The following WNT9B variants were observed in gnomAD, a reference collection of about 807,000 sequenced individuals.
WNT9B encodes the protein Wnt family member 9B.
In WNT9B, 12 loss-of-function variants were observed where a neutral mutation model predicts 30.2. That is an observed-to-expected ratio of 0.40 (90% CI 0.26 to 0.64). The LOEUF (loss-of-function observed/expected upper bound fraction) is 0.64. Ranked by LOEUF, WNT9B falls within the 30% of genes least tolerant of loss-of-function variation. The pLI is 0.42. For synonymous variants in WNT9B, 218 were observed against 216.9 expected (o/e 1.01, Z -0.05); for missense variants, 442 against 485.2 (o/e 0.91, Z 0.84).
At chr17:46,833,572 T>G (rs908728814) in intron 1 of WNT9B, 1 of 385,336 alleles carries the variant, frequency 2.6e-6, no homozygotes. Context: ...AACCCCAGTC[T>G]CCTGCTCAGT....
At chr17:46,839,689 C>A (rs185726630) in intron 1 of WNT9B, among the ~76,000 whole-genome samples, 1 of 152,176 alleles carries the variant, frequency 6.6e-6, no homozygotes, top group Admixed American at 6.5e-5. Flanking sequence ...CCCAGTCCCC[C>A]CCGCCAAGAG....
chr17:46,857,602 T>A (rs1008864120), intron 1 of WNT9B, among the ~76,000 whole-genome samples: 2 of 152,174 alleles, frequency 1.3e-5, no homozygotes, highest in African/African-American at 4.8e-5. Flanking sequence ...CTTGGATAAC[T>A]GTCTAGGAGT....
At position 46,877,697 on chromosome 17, in the gene WNT9B, C is replaced by A. The variant is rs920912258; in HGVS notation, c.*979C>A. Among the ~76,000 whole-genome samples the A allele has an allele frequency of 1.2e-4, 19 of 152,304 alleles. No individual in the cohort carries two copies. The highest frequency in any genetic ancestry group is 6.8e-3 in the Middle Eastern group (2 of 294). On this transcript the variant is annotated 3_prime_UTR_variant, in exon 4 of 4. Coordinates refer to ENST00000290015, the MANE Select transcript of WNT9B (RefSeq NM_003396.3). ...CTTTGGTGACTTCCTGTGGCTGGGGCCTGCCTGGTCTGTGACACCCCCATA... is the reference window on the plus strand; with the variant it reads ...CTTTGGTGACTTCCTGTGGCTGGGGACTGCCTGGTCTGTGACACCCCCATA...
At chr17:46,861,606 C>T (rs1203675634) in intron 1 of WNT9B, among the ~76,000 whole-genome samples, 1 of 152,204 alleles carries the variant, frequency 6.6e-6, no homozygotes, top group Non-Finnish European at 1.5e-5. Context: ...GCCACACCCA[C>T]CACCTCATGG....
At chr17:46,872,423 A>G (rs757891231) in intron 1 of WNT9B, 94 bp from the exon 2 acceptor site, 6 of 1,394,688 alleles carry the variant, frequency 4.3e-6, no homozygotes, top group Non-Finnish European at 5.6e-6. Context: ...CCAGAAGGGC[A>G]GTAAATGAAG....
intron 1 of WNT9B, among the ~76,000 whole-genome samples, chr17:46,864,315 C>T (rs924510071): frequency 1.3e-5 from 2 of 152,200 alleles, no homozygotes; most frequent in African/African-American, 4.8e-5. Flanking sequence ...TTCCCACCCA[C>T]TGCCTCCACA....
chr17:46,841,787 G>A (rs1330964864), intron 1 of WNT9B, among the ~76,000 whole-genome samples: 2 of 152,254 alleles, frequency 1.3e-5, no homozygotes, highest in African/African-American at 2.4e-5. Context: ...CCTGCATCCA[G>A]CTGAGAGACC....
chr17:46,845,154 C>T (rs1314247996), intron 1 of WNT9B, among the ~76,000 whole-genome samples: 1 of 152,152 alleles, frequency 6.6e-6, no homozygotes, highest in Non-Finnish European at 1.5e-5. Context: ...TGGTCTCCTT[C>T]CTCCTTCTTT....
chr17:46,857,878 G>T (rs1419371429), intron 1 of WNT9B, among the ~76,000 whole-genome samples: 1 of 151,956 alleles, frequency 6.6e-6, no homozygotes, highest in Non-Finnish European at 1.5e-5. Context: ...ATTTCATTGG[G>T]TTATTTGTCT....
At position 46,876,736 on chromosome 17, in the gene WNT9B, C is replaced by A; in HGVS notation, c.*18C>A. The A allele has an allele frequency of 6.6e-7, 1 of 1,523,686 alleles. No homozygotes were observed. Among genetic ancestry groups the A allele is most frequent in the Non-Finnish European group, 8.8e-7 (1 of 1,132,146 alleles). 94.4% of individuals were successfully genotyped at this position (1,523,686 alleles called of 1,614,324 possible). A position where few individuals can be genotyped will look rare whatever the true frequency, so the allele number is the denominator to read the frequency against. ...AGCACTAGGCCTACTGCCCAGCAAG[C>A]CAGTCTGGCACTGCCAGGACCTCCT... On this transcript the variant is annotated 3_prime_UTR_variant, in exon 4 of 4. Transcript: ENST00000290015.
chr17:46,839,982 T>TTTCTC (rs2084688231), intron 1 of WNT9B, among the ~76,000 whole-genome samples: 1 of 140,286 alleles, frequency 7.1e-6, no homozygotes, highest in African/African-American at 2.7e-5. Flanking sequence ...CTTTCTCTTC[T>TTTCTC]TTCTTTCTTT....
chr17:46,871,113 C>T (rs1416078082), intron 1 of WNT9B, among the ~76,000 whole-genome samples: 1 of 151,772 alleles, frequency 6.6e-6, no homozygotes, highest in African/African-American at 2.4e-5. Flanking sequence ...GTTTTGCTGT[C>T]ACACAGGCTG....
chr17:46,860,717 T>G (rs1449738911), intron 1 of WNT9B, among the ~76,000 whole-genome samples: 1 of 152,268 alleles, frequency 6.6e-6, no homozygotes, highest in Non-Finnish European at 1.5e-5. Flanking sequence ...TTCTTCTCTG[T>G]GCCTGTATCC....
At chr17:46,868,561 A>C (rs1326173954) in intron 1 of WNT9B, among the ~76,000 whole-genome samples, 12 of 152,298 alleles carry the variant, frequency 7.9e-5, no homozygotes, top group Admixed American at 7.2e-4. Context: ...TCAGCACTGC[A>C]CTCCAGCCTG....
At chr17:46,872,404 G>C in intron 1 of WNT9B, 113 bp from the exon 2 acceptor site, 2 of 1,362,344 alleles carry the variant, frequency 1.5e-6, no homozygotes, top group Non-Finnish European at 9.5e-7. Context: ...CAGCGGGTCA[G>C]CCTGCTGCCC....
intron 1 of WNT9B, among the ~76,000 whole-genome samples, chr17:46,836,223 A>T (rs920434295): frequency 2.6e-5 from 4 of 151,690 alleles, no homozygotes; most frequent in Non-Finnish European, 5.9e-5. Context: ...CCCCTTTCCA[A>T]GGAAGCAGCC....
In WNT9B at chr17:46,872,460, T is replaced by C; in HGVS notation, c.78-57T>C. 2.1e-6 allele frequency: 3 copies of C among 1,434,416 alleles called. No homozygotes were observed. The South Asian group carries it at 4.9e-5, about 24-fold the overall frequency. 88.9% of individuals were successfully genotyped at this position (1,434,416 alleles called of 1,614,324 possible). A position where few individuals can be genotyped will look rare whatever the true frequency, so the allele number is the denominator to read the frequency against. On this transcript the variant is annotated intron_variant, in intron 1 of 3. Coordinates refer to ENST00000290015, the MANE Select transcript of WNT9B (RefSeq NM_003396.3). ...CCCTGAGGAGGCCCCTTCCCTTCAT[T>C]TGCCCCTCACCACCATCCCCAAGGC...
chr17:46,844,029 T>A (rs1482139080), intron 1 of WNT9B, among the ~76,000 whole-genome samples: 1 of 152,214 alleles, frequency 6.6e-6, no homozygotes, highest in Non-Finnish European at 1.5e-5. Flanking sequence ...TCATGGCTCA[T>A]TGCAGTTGCA....
intron 1 of WNT9B, among the ~76,000 whole-genome samples, chr17:46,862,730 C>T (rs1169574231): frequency 6.6e-6 from 1 of 152,144 alleles, no homozygotes; most frequent in African/African-American, 2.4e-5. Flanking sequence ...CAACAGGCGT[C>T]TACCACCACA....
Sources: gnomAD v4.1 joint callset for allele counts (sites outside exome capture counted in the v4.1 genomes callset) on GRCh38, gnomAD v4.1.1 for gene constraint, MANE v1.5 for transcripts, NCBI Gene and HGNC (gene_info 2026-07-23, HGNC 2026-07-21) for gene names.